FBXW7: variants seen among roughly 807,000 people sequenced by gnomAD.
FBXW7 encodes F-box and WD repeat domain containing 7, also known as F-box/WD repeat-containing protein 7.
A neutral mutation model predicts 86.3 loss-of-function variants in FBXW7; 11 were observed. The ratio of observed to expected loss-of-function variants is 0.13; its 90% CI spans 0.08 to 0.21. The LOEUF is 0.21. Ranked by LOEUF, FBXW7 falls within the 10% of genes least tolerant of loss-of-function variation. FBXW7 has a pLI of 1.00. For missense variants in FBXW7, 488 were observed against 847.4 expected, an observed-to-expected ratio of 0.58 and a Z score of 5.27; for synonymous variants, 313 against 297.9, an observed-to-expected ratio of 1.05 and a Z score of -0.52.
intron 2 of FBXW7, among the ~76,000 whole-genome samples, chr4:152,468,565 G>A (rs771059667): frequency 6.6e-6 from 1 of 152,172 alleles, no homozygotes; most frequent in Non-Finnish European, 1.5e-5. Context: ...TATACAAACA[G>A]AAAGTGTATT....
At chr4:152,487,008 G>A (rs1482089860) in intron 2 of FBXW7, among the ~76,000 whole-genome samples, 2 of 152,108 alleles carry the variant, frequency 1.3e-5, no homozygotes, top group African/African-American at 4.8e-5. Flanking sequence ...TGCAGTGCAT[G>A]ACTACATAAC....
intron 2 of FBXW7, among the ~76,000 whole-genome samples, chr4:152,472,780 T>G (rs1394277998): frequency 6.6e-6 from 1 of 152,178 alleles, no homozygotes; most frequent in East Asian, 1.9e-4. Context: ...TTATACAATT[T>G]TTAAGTTTTT....
In FBXW7 at chr4:152,376,724, C is replaced by T. The variant is rs540565396; in HGVS notation, c.502-26600G>A. Among the ~76,000 whole-genome samples the T allele has an allele frequency of 1.0e-3, 153 of 151,764 alleles. 5 individuals are homozygous for T. In the South Asian group the frequency reaches 0.032, roughly 31 times the overall value. On this transcript the variant is annotated intron_variant, in intron 4 of 13. Coordinates refer to ENST00000281708, the MANE Select transcript of FBXW7 (RefSeq NM_001349798.2). Reference sequence around the variant, plus strand: ...TTTTTGGTCATAATTGTCAAAAGTACTAATTGATTAACTGATGAGAATGGT... The same window carrying T: ...TTTTTGGTCATAATTGTCAAAAGTATTAATTGATTAACTGATGAGAATGGT...
At chr4:152,402,272 C>T (rs746971667) in intron 4 of FBXW7, among the ~76,000 whole-genome samples, 3 of 152,120 alleles carry the variant, frequency 2.0e-5, no homozygotes, top group Non-Finnish European at 4.4e-5. Flanking sequence ...TACACTAATT[C>T]TTTGTTGACT....
chr4:152,396,107 T>G (rs904926843), intron 4 of FBXW7, among the ~76,000 whole-genome samples: 2 of 151,878 alleles, frequency 1.3e-5, no homozygotes, highest in Non-Finnish European at 2.9e-5. Flanking sequence ...TGCTTGAAAA[T>G]CATTCCAGGT....
intron 2 of FBXW7, among the ~76,000 whole-genome samples, chr4:152,497,611 T>C (rs1235891741): frequency 2.6e-5 from 4 of 152,038 alleles, no homozygotes; most frequent in African/African-American, 7.2e-5. Context: ...ATCTTTCAAA[T>C]AGGCAAAAAA....
chr4:152,479,131 G>C (rs1744659181), intron 2 of FBXW7, among the ~76,000 whole-genome samples: 1 of 152,084 alleles, frequency 6.6e-6, no homozygotes, highest in Non-Finnish European at 1.5e-5. Context: ...AAGCTACTTT[G>C]GAAGACAGTT....
intron 4 of FBXW7, among the ~76,000 whole-genome samples, chr4:152,402,221 T>A (rs1453523593): frequency 1.3e-5 from 2 of 152,120 alleles, no homozygotes; most frequent in Admixed American, 6.5e-5. Context: ...AAAATACATA[T>A]CCATGTGGTC....
intron 2 of FBXW7, among the ~76,000 whole-genome samples, chr4:152,480,110 A>G (rs1478945273): frequency 1.3e-5 from 2 of 152,038 alleles, no homozygotes; most frequent in Admixed American, 1.3e-4. Flanking sequence ...TGTGGATTTT[A>G]CAAAATAATG....
chr4:152,530,244 T>C (rs1301079219), intron 2 of FBXW7: 1 of 152,138 alleles, frequency 6.6e-6, no homozygotes, highest in Non-Finnish European at 1.5e-5. Context: ...AAAATTGCGA[T>C]GTGTAATTCT....
intron 2 of FBXW7, among the ~76,000 whole-genome samples, chr4:152,500,362 A>T (rs1410150816): frequency 3.9e-5 from 6 of 152,136 alleles, no homozygotes; most frequent in Non-Finnish European, 8.8e-5. Context: ...AACGAGAACA[A>T]TGAATTCAGA....
In FBXW7 at chr4:152,321,539, C is replaced by T. The variant is rs1728559329; in HGVS notation, c.*1342G>A. The stretch of plus-strand genomic sequence containing the variant: ...TGTGGCTCTTGGAGAATGAGGCAAA[C>T]CATTTGACTGTTTCATTCATTTTGT... On this transcript the variant is annotated 3_prime_UTR_variant, in exon 14 of 14. Transcript: ENST00000281708. 8.6e-6 allele frequency: 2 copies of T among 232,986 alleles called. No individual in the cohort carries two copies. The highest frequency in any genetic ancestry group is 4.4e-5 in the African/African-American group (2 of 45,284). The allele number at this position is 232,986 out of a possible 1,614,324, so 14.4% of individuals were successfully genotyped here.
At chr4:152,384,558 G>A (rs1735369162) in intron 4 of FBXW7, among the ~76,000 whole-genome samples, 1 of 151,968 alleles carries the variant, frequency 6.6e-6, no homozygotes, top group Admixed American at 6.6e-5. Context: ...TTGGCACAGA[G>A]TTTCAGTAGG....
intron 2 of FBXW7, among the ~76,000 whole-genome samples, chr4:152,510,084 A>G (rs1413507202): frequency 8.5e-5 from 13 of 152,248 alleles, no homozygotes; most frequent in Admixed American, 6.5e-4. Context: ...ATGACTGGGT[A>G]GCACACAGAC....
chr4:152,387,199 T>G (rs754013832), intron 4 of FBXW7, among the ~76,000 whole-genome samples: 3 of 152,190 alleles, frequency 2.0e-5, no homozygotes, highest in Non-Finnish European at 4.4e-5. Context: ...TATCAACGTA[T>G]GTTATTTGAA....
At chr4:152,361,965 CAAAA>C (rs569330155) in intron 4 of FBXW7, among the ~76,000 whole-genome samples, 2 of 37,114 alleles carry the variant, frequency 5.4e-5, no homozygotes, top group African/African-American at 1.0e-4. Flanking sequence ...GACTCCATCT[CAAAA>C]AAAAAAAAAA....
chr4:152,464,317 A>C (rs1356300), intron 2 of FBXW7, among the ~76,000 whole-genome samples: 57,089 of 151,904 alleles, frequency 0.38, 11,402 homozygotes, highest in African/African-American at 0.51. Context: ...GAGCATTAAG[A>C]GGAAGAAAAA....
chr4:152,471,841 A>G (rs1743997177), intron 2 of FBXW7, among the ~76,000 whole-genome samples: 1 of 152,152 alleles, frequency 6.6e-6, no homozygotes, highest in South Asian at 2.1e-4. Context: ...TCAAGGCCGC[A>G]ATAAGCTATG....
chr4:152,416,810 T>A (rs1271751003), intron 2 of FBXW7, among the ~76,000 whole-genome samples: 1 of 152,218 alleles, frequency 6.6e-6, no homozygotes, highest in East Asian at 1.9e-4. Flanking sequence ...CAATATATAT[T>A]TTTTGTTATT....
Sources: gnomAD v4.1 joint callset for allele counts (sites outside exome capture counted in the v4.1 genomes callset) on GRCh38, gnomAD v4.1.1 for gene constraint, MANE v1.5 for transcripts, NCBI Gene and HGNC (gene_info 2026-07-23, HGNC 2026-07-21) for gene names.